FANCC: variants seen among roughly 807,000 people sequenced by gnomAD.
FANCC encodes the protein FA complementation group C, also known as Fanconi anemia group C protein.
Under a neutral mutation model 71.3 loss-of-function variants are expected in FANCC, and 55 were observed. The ratio of observed to expected loss-of-function variants is 0.77; its 90% CI spans 0.62 to 0.97. The LOEUF is 0.97. FANCC is among the 50% of genes least tolerant of loss of function. The probability of loss-of-function intolerance (pLI) is 0.00; values close to 1 mark genes in which losing one functional copy is unlikely to be tolerated. For synonymous variants in FANCC, 275 were observed against 244.9 expected (o/e 1.12, Z -1.15); for missense variants, 678 against 670.9 (o/e 1.01, Z -0.12).
At chr9:95,289,407 C>A (rs997198504) in intron 1 of FANCC, among the ~76,000 whole-genome samples, 2 of 151,932 alleles carry the variant, frequency 1.3e-5, no homozygotes, top group Non-Finnish European at 1.5e-5. Flanking sequence ...CACAACTGAA[C>A]CTTGAAGTGC....
chr9:95,161,127 A>G (rs1388538911), intron 6 of FANCC, among the ~76,000 whole-genome samples: 1 of 152,202 alleles, frequency 6.6e-6, no homozygotes, highest in East Asian at 1.9e-4. Context: ...ACTATAAAAG[A>G]TAAGAGTTAC....
chr9:95,149,630 C>T (rs997525184), intron 7 of FANCC, among the ~76,000 whole-genome samples: 7 of 152,042 alleles, frequency 4.6e-5, no homozygotes, highest in African/African-American at 1.7e-4. Context: ...AGGCACACAC[C>T]ACCATGCTTG....
chr9:95,155,357 G>A (rs1301812398), intron 6 of FANCC, among the ~76,000 whole-genome samples: 1 of 100,668 alleles, frequency 9.9e-6, no homozygotes, highest in Non-Finnish European at 2.1e-5. Context: ...GAGGGAGGGA[G>A]GGAGGGAGGG....
At chr9:95,299,637 G>C (rs970195222) in intron 1 of FANCC, among the ~76,000 whole-genome samples, 8 of 152,168 alleles carry the variant, frequency 5.3e-5, no homozygotes, top group African/African-American at 1.7e-4. Flanking sequence ...GAGGAAGGAG[G>C]ATCGCTTGAG....
intron 3 of FANCC, among the ~76,000 whole-genome samples, chr9:95,245,443 C>T (rs1254729334): frequency 1.3e-5 from 2 of 151,958 alleles, no homozygotes; most frequent in Non-Finnish European, 2.9e-5. Context: ...ACAGTGTTTT[C>T]TCCTATACAC....
chr9:95,266,795 G>A (rs890189400), intron 1 of FANCC, among the ~76,000 whole-genome samples: 1 of 152,148 alleles, frequency 6.6e-6, no homozygotes, highest in South Asian at 2.1e-4. Flanking sequence ...TATATGCTAT[G>A]GGTCACTGAG....
intron 8 of FANCC, among the ~76,000 whole-genome samples, chr9:95,129,027 T>C (rs7872648): frequency 0.49 from 75,062 of 151,666 alleles, 19,192 homozygotes; most frequent in East Asian, 0.62. Context: ...CTTAGCCTCC[T>C]GAGTAGCTGG....
chr9:95,263,720 C>T lies in FANCC; in HGVS notation c.-78-14351G>A, dbSNP rs4647406. On this transcript the variant is annotated intron_variant, in intron 1 of 14. Transcript: ENST00000289081. ...GAATGCGAGTCGAAAAGGCAAATAG[C>T]AGCTTAGCATTATTATAAAAATAGT... 1.1e-3 allele frequency among the ~76,000 whole-genome samples: 167 copies of T among 152,206 alleles called. 1 individual carries two copies. The highest frequency in any genetic ancestry group is 3.6e-3 in the African/African-American group (151 of 41,510).
At chr9:95,206,870 T>C (rs1441972496) in intron 4 of FANCC, among the ~76,000 whole-genome samples, 2 of 152,160 alleles carry the variant, frequency 1.3e-5, no homozygotes, top group Non-Finnish European at 2.9e-5. Flanking sequence ...ATGACAGTAA[T>C]GGGGTTGCAA....
chr9:95,170,935 T>A, intron 6 of FANCC, 144 bp downstream of exon 6: 1 of 690,034 alleles, frequency 1.4e-6, no homozygotes. Context: ...ACCAATTTGC[T>A]ATGTATTCCA....
intron 1 of FANCC, among the ~76,000 whole-genome samples, chr9:95,316,002 T>A (rs563756755): frequency 8.5e-5 from 13 of 152,270 alleles, no homozygotes; most frequent in Non-Finnish European, 1.8e-4. Context: ...TGCTTTTTAT[T>A]AGAGGACAAA....
chr9:95,302,436 G>T (rs1371399246), intron 1 of FANCC, among the ~76,000 whole-genome samples: 1 of 152,204 alleles, frequency 6.6e-6, no homozygotes, highest in African/African-American at 2.4e-5. Context: ...GGGCTGTTTT[G>T]AGGATTCTTG....
Position 95,105,773 on chromosome 9 carries a change from C to T in FANCC, c.1533+1293G>A, listed in dbSNP as rs539357221. Among the ~76,000 whole-genome samples the T allele has an allele frequency of 7.2e-5, 11 of 152,368 alleles. No individual in the cohort carries two copies. In the East Asian group the frequency reaches 1.3e-3, roughly 19 times the overall value. ...GCTTATTTCAACAGCACAGTGTCTT[C>T]CAGGTTCATTCATGTTGTAGCACTG... On this transcript the variant is annotated intron_variant, in intron 14 of 14. Transcript: ENST00000289081.
chr9:95,169,186 T>C lies in FANCC; in HGVS notation c.521+1893A>G, dbSNP rs545856176. Among the ~76,000 whole-genome samples the C allele has an allele frequency of 4.1e-4, 62 of 152,330 alleles. No individual in the cohort carries two copies. In the South Asian group the frequency reaches 0.01, roughly 25 times the overall value. On this transcript the variant is annotated intron_variant, in intron 6 of 14. Transcript: ENST00000289081. ...CATATGCTGAGGTTGCTGAGATCTA[T>C]AGTAAAAACAAATCATCTATCTGTG...
intron 1 of FANCC, among the ~76,000 whole-genome samples, chr9:95,265,025 C>T (rs986725855): frequency 1.1e-4 from 16 of 150,720 alleles, no homozygotes; most frequent in Non-Finnish European, 1.8e-4. Flanking sequence ...TTCTTGTTCC[C>T]ATTAAGTGCT....
chr9:95,195,196 C>CAA (rs34771312), intron 4 of FANCC, among the ~76,000 whole-genome samples: 687 of 42,152 alleles, frequency 0.016, 9 homozygotes, highest in Middle Eastern at 0.071. Flanking sequence ...GACTCCGTCT[C>CAA]AAAAAAAAAA....
chr9:95,215,162 G>A (rs1365532108), intron 4 of FANCC, among the ~76,000 whole-genome samples: 1 of 152,162 alleles, frequency 6.6e-6, no homozygotes, highest in Non-Finnish European at 1.5e-5. Flanking sequence ...ATCTCTTACA[G>A]TTCGGATACA....
intron 4 of FANCC, among the ~76,000 whole-genome samples, chr9:95,206,316 T>C (rs1302366355): frequency 2.0e-5 from 3 of 152,186 alleles, no homozygotes; most frequent in Non-Finnish European, 2.9e-5. Context: ...CTGCGGACCA[T>C]GACCACCCAC....
At chr9:95,243,020 T>C (rs1283228947) in intron 3 of FANCC, among the ~76,000 whole-genome samples, 2 of 152,262 alleles carry the variant, frequency 1.3e-5, no homozygotes, top group Non-Finnish European at 2.9e-5. Context: ...AACATACACT[T>C]GCCATCTTGT....
Sources: allele counts gnomAD v4.1 joint callset (sites outside exome capture counted in the v4.1 genomes callset), GRCh38; gene constraint gnomAD v4.1.1; transcripts MANE v1.5; gene names NCBI Gene and HGNC (gene_info 2026-07-23, HGNC 2026-07-21).